The following EYS variants were observed in gnomAD, a reference collection of about 807,000 sequenced individuals.
EYS encodes protein eyes shut homolog.
A neutral mutation model predicts 282.1 loss-of-function variants in EYS; 250 were observed. The observed-to-expected ratio is 0.89, with a 90% confidence interval of 0.80 to 0.98. The LOEUF (loss-of-function observed/expected upper bound fraction) is 0.98, where lower values mean the gene tolerates loss of function less well. EYS is among the 50% of genes least tolerant of loss of function. The pLI is 0.00. For synonymous variants in EYS, 1,355 were observed against 1,282.9 expected, an observed-to-expected ratio of 1.06 and a Z score of -1.20; for missense variants, 4,016 against 3,709.0, an observed-to-expected ratio of 1.08 and a Z score of -2.15.
At chr6:64,021,359 C>G in intron 33 of EYS, among the ~76,000 whole-genome samples, 1 of 151,570 alleles carries the variant, frequency 6.6e-6, no homozygotes, top group Non-Finnish European at 1.5e-5. Flanking sequence ...TTGACAATGC[C>G]TAGATACATG....
intron 12 of EYS, among the ~76,000 whole-genome samples, chr6:65,282,668 ACTGT>A (rs1393384697): frequency 2.0e-5 from 3 of 151,978 alleles, no homozygotes; most frequent in East Asian, 3.8e-4. Context: ...ATACATTTTT[ACTGT>A]CAATAATTGA....
At chr6:65,603,844 T>C (rs981597741) in intron 2 of EYS, among the ~76,000 whole-genome samples, 1 of 152,012 alleles carries the variant, frequency 6.6e-6, no homozygotes, top group Non-Finnish European at 1.5e-5. Flanking sequence ...GGGTACTTCC[T>C]TGATTTTTCA....
intron 2 of EYS, among the ~76,000 whole-genome samples, chr6:65,608,996 T>C (rs1279935435): frequency 2.0e-5 from 3 of 152,080 alleles, no homozygotes; most frequent in African/African-American, 7.2e-5. Context: ...CACAGTTAAA[T>C]CTTTTTTAAT....
chr6:64,153,043 C>A (rs1774792940), intron 31 of EYS, among the ~76,000 whole-genome samples: 1 of 152,248 alleles, frequency 6.6e-6, no homozygotes, highest in African/African-American at 2.4e-5. Context: ...ATAATATACT[C>A]TAAGTGTATA....
intron 2 of EYS, among the ~76,000 whole-genome samples, chr6:65,573,361 T>G (rs1261017499): frequency 6.6e-6 from 1 of 152,160 alleles, no homozygotes; most frequent in Non-Finnish European, 1.5e-5. Context: ...TCGGAACCAC[T>G]GTGGTCTCCA....
intron 1 of EYS, among the ~76,000 whole-genome samples, chr6:65,675,198 C>A (rs1378156168): frequency 6.6e-6 from 1 of 150,852 alleles, no homozygotes; most frequent in Non-Finnish European, 1.5e-5. Flanking sequence ...AAAAGAGGAA[C>A]AAGAAAAGCT....
chr6:65,427,582 T>A (rs1014151149), intron 5 of EYS, among the ~76,000 whole-genome samples: 2 of 152,024 alleles, frequency 1.3e-5, no homozygotes, highest in Non-Finnish European at 2.9e-5. Context: ...AGGGGTAGAA[T>A]AAGAATTACT....
Position 64,519,541 on chromosome 6 carries a change from T to C in EYS, c.5644+70682A>G, listed in dbSNP as rs567462730. Among the ~76,000 whole-genome samples, 36 of 151,914 alleles carry C rather than the reference T, an allele frequency of 2.4e-4. No individual in the cohort carries two copies. The South Asian group carries it at 7.2e-3, about 31-fold the overall frequency. The stretch of plus-strand genomic sequence containing the variant: ...TACCTGTGACTTTGTGTACCTCACT[T>C]TTAGCTGAGATGCCTCAAAATAGCT... On this transcript the variant is annotated intron_variant, in intron 26 of 42. Coordinates refer to ENST00000503581, the MANE Select transcript of EYS (RefSeq NM_001142800.2).
intron 26 of EYS, among the ~76,000 whole-genome samples, chr6:64,509,851 G>A (rs991951428): frequency 2.0e-5 from 3 of 152,078 alleles, no homozygotes; most frequent in African/African-American, 7.2e-5. Flanking sequence ...GCTACTTTTG[G>A]AGCAATATAG....
chr6:64,110,750 G>A (rs1773177821), intron 31 of EYS, among the ~76,000 whole-genome samples: 1 of 151,952 alleles, frequency 6.6e-6, no homozygotes, highest in African/African-American at 2.4e-5. Flanking sequence ...CTAAGGAACT[G>A]TAAAAAGTGA....
chr6:64,272,925 T>C (rs1188741506), intron 30 of EYS, among the ~76,000 whole-genome samples: 1 of 152,166 alleles, frequency 6.6e-6, no homozygotes, highest in Non-Finnish European at 1.5e-5. Context: ...AGAAATGCAA[T>C]TTGTTTTCAC....
chr6:64,194,411 TA>T (rs1439053100), intron 31 of EYS, among the ~76,000 whole-genome samples: 69 of 152,228 alleles, frequency 4.5e-4, no homozygotes, highest in African/African-American at 1.5e-3. Flanking sequence ...TTCCTGTAGT[TA>T]CTATTAATAA....
intron 22 of EYS, among the ~76,000 whole-genome samples, chr6:64,784,223 A>T (rs1562189988): frequency 6.6e-6 from 1 of 151,284 alleles, no homozygotes; most frequent in East Asian, 1.9e-4. Context: ...ATTTGTATTC[A>T]TTGTTTATTT....
At chr6:64,543,321 T>C (rs530868164) in intron 26 of EYS, among the ~76,000 whole-genome samples, 1 of 152,238 alleles carries the variant, frequency 6.6e-6, no homozygotes, top group African/African-American at 2.4e-5. Flanking sequence ...TAAAAAACAG[T>C]ATTAAAATGG....
At chr6:63,928,483 A>C (rs1764786008) in intron 35 of EYS, among the ~76,000 whole-genome samples, 1 of 151,956 alleles carries the variant, frequency 6.6e-6, no homozygotes. Flanking sequence ...AAATAATTTG[A>C]AGTAAGGAGG....
At chr6:64,062,117 G>A (rs1387085996) in intron 33 of EYS, among the ~76,000 whole-genome samples, 2 of 152,150 alleles carry the variant, frequency 1.3e-5, no homozygotes, top group Admixed American at 6.5e-5. Flanking sequence ...TTTGCATAGT[G>A]AGAGTTTTGT....
chr6:64,142,372 C>G (rs1031395785), intron 31 of EYS, among the ~76,000 whole-genome samples: 1 of 151,914 alleles, frequency 6.6e-6, no homozygotes, highest in African/African-American at 2.4e-5. Flanking sequence ...AAGGGCTTGA[C>G]TTAGCCAGAA....
At chr6:65,348,561 AATC>A (rs1297170258) in intron 9 of EYS, among the ~76,000 whole-genome samples, 2 of 151,642 alleles carry the variant, frequency 1.3e-5, no homozygotes, top group African/African-American at 4.8e-5. Flanking sequence ...CATTTCTAAA[AATC>A]ATATTATTAT....
At chr6:65,440,377 T>TA (rs34301256) in intron 5 of EYS, among the ~76,000 whole-genome samples, 18,390 of 143,154 alleles carry the variant, frequency 0.13, 1,292 homozygotes, top group South Asian at 0.23. Context: ...CAACCTTCAA[T>TA]AAAAAAAAAA....
Sources: gnomAD v4.1 joint callset for allele counts (sites outside exome capture counted in the v4.1 genomes callset) on GRCh38, gnomAD v4.1.1 for gene constraint, MANE v1.5 for transcripts, NCBI Gene and HGNC (gene_info 2026-07-23, HGNC 2026-07-21) for gene names.